The following DLC1 variants were observed in gnomAD, a reference collection of about 807,000 sequenced individuals.
DLC1 encodes DLC1 Rho GTPase activating protein, also known as rho GTPase-activating protein 7.
In DLC1, 54 loss-of-function variants were observed where a neutral mutation model predicts 140.3. The ratio of observed to expected loss-of-function variants is 0.38; its 90% confidence interval spans 0.31 to 0.48. The LOEUF (loss-of-function observed/expected upper bound fraction) is 0.48, where lower values mean the gene tolerates loss of function less well. DLC1 is among the 20% of genes least tolerant of loss of function. The pLI is 0.96. For missense variants in DLC1, 2,536 were observed against 1,907.0 expected (o/e 1.33, Z -6.14); for synonymous variants, 986 against 728.1 (o/e 1.35, Z -5.70).
intron 1 of DLC1, among the ~76,000 whole-genome samples, chr8:13,572,522 C>G (rs1311216982): frequency 1.3e-5 from 2 of 151,954 alleles, no homozygotes; most frequent in South Asian, 2.1e-4. Context: ...CTTTTATTGC[C>G]TATGCTTTTG....
chr8:13,190,973 C>T (rs1028870310), intron 5 of DLC1, among the ~76,000 whole-genome samples: 8 of 151,458 alleles, frequency 5.3e-5, no homozygotes, highest in Non-Finnish European at 8.8e-5. Context: ...TAAGCTTGCT[C>T]CACACTGTAG....
At chr8:13,537,292 G>T (rs930198434) in intron 1 of DLC1, among the ~76,000 whole-genome samples, 1 of 152,112 alleles carries the variant, frequency 6.6e-6, no homozygotes, top group Non-Finnish European at 1.5e-5. Context: ...TGCCATTCAG[G>T]CCCTCCACAA....
At chr8:13,483,218 A>T (rs1009482970) in intron 2 of DLC1, among the ~76,000 whole-genome samples, 2 of 152,120 alleles carry the variant, frequency 1.3e-5, no homozygotes, top group Admixed American at 1.3e-4. Flanking sequence ...GACGCTTGTC[A>T]TTAGATTGAG....
intron 5 of DLC1, among the ~76,000 whole-genome samples, chr8:13,215,900 C>T (rs1828178421): frequency 6.6e-6 from 1 of 152,172 alleles, no homozygotes; most frequent in Non-Finnish European, 1.5e-5. Flanking sequence ...CAACTCGTCT[C>T]CCCAGTGTGC....
chr8:13,401,113 T>A (rs184548118), intron 3 of DLC1, among the ~76,000 whole-genome samples: 1 of 152,154 alleles, frequency 6.6e-6, no homozygotes, highest in Non-Finnish European at 1.5e-5. Flanking sequence ...CAATACAGAT[T>A]TGTGGGCCAG....
intron 1 of DLC1, among the ~76,000 whole-genome samples, chr8:13,552,877 C>T (rs984181313): frequency 2.0e-5 from 3 of 151,602 alleles, no homozygotes; most frequent in Admixed American, 2.0e-4. Context: ...TAAATCTTTT[C>T]TAGAGAGCAT....
At chr8:13,343,789 A>G (rs1367546731) in intron 4 of DLC1, among the ~76,000 whole-genome samples, 1 of 152,146 alleles carries the variant, frequency 6.6e-6, no homozygotes, top group Admixed American at 6.5e-5. Flanking sequence ...CTTTGGTTCA[A>G]TTGATGGAAA....
intron 4 of DLC1, among the ~76,000 whole-genome samples, chr8:13,377,407 C>G (rs2117143683): frequency 6.6e-6 from 1 of 152,282 alleles, no homozygotes; most frequent in Non-Finnish European, 1.5e-5. Flanking sequence ...TTGCCAGCCA[C>G]AAGTGTCTGC....
At chr8:13,578,958 C>A (rs765862675) in intron 1 of DLC1, among the ~76,000 whole-genome samples, 4 of 151,846 alleles carry the variant, frequency 2.6e-5, no homozygotes, top group Non-Finnish European at 4.4e-5. Context: ...GCTGAAAGTT[C>A]CAACGTTTTA....
intron 3 of DLC1, among the ~76,000 whole-genome samples, chr8:13,397,928 C>T (rs772872211): frequency 4.6e-5 from 7 of 152,070 alleles, no homozygotes; most frequent in Non-Finnish European, 7.4e-5. Context: ...GTGAGGAGAT[C>T]GAGACCATCC....
chr8:13,483,686 A>G (rs1432316430), intron 2 of DLC1, among the ~76,000 whole-genome samples: 2 of 152,166 alleles, frequency 1.3e-5, no homozygotes, highest in Admixed American at 6.5e-5. Flanking sequence ...ATGAGATGGC[A>G]TAGGTGAACA....
chr8:13,457,479 C>G (rs1799449015), intron 2 of DLC1, among the ~76,000 whole-genome samples: 1 of 151,810 alleles, frequency 6.6e-6, no homozygotes, highest in Non-Finnish European at 1.5e-5. Context: ...GAAATCAAGA[C>G]CATCCTGGCC....
intron 2 of DLC1, among the ~76,000 whole-genome samples, chr8:13,451,226 A>T: frequency 6.6e-6 from 1 of 151,998 alleles, no homozygotes. Flanking sequence ...AAAATTTTTT[A>T]ACTGTTAATT....
At chr8:13,589,494 T>A (rs1218988434) in intron 1 of DLC1, among the ~76,000 whole-genome samples, 2 of 152,052 alleles carry the variant, frequency 1.3e-5, no homozygotes, top group Non-Finnish European at 2.9e-5. Flanking sequence ...AAAGTTGGCT[T>A]GTGTTGAGTT....
At chr8:13,437,459 A>G (rs553366274) in intron 2 of DLC1, among the ~76,000 whole-genome samples, 3 of 152,340 alleles carry the variant, frequency 2.0e-5, no homozygotes, top group South Asian at 4.1e-4. Flanking sequence ...GTTCGATCGT[A>G]TGCATGATGT....
chr8:13,464,831 C>G (rs1283129026), intron 2 of DLC1, among the ~76,000 whole-genome samples: 1 of 146,450 alleles, frequency 6.8e-6, no homozygotes, highest in Non-Finnish European at 1.5e-5. Context: ...TGTTTTACAG[C>G]TATATAAATG....
At position 13,503,940 on chromosome 8, in the gene DLC1, G is replaced by A. The variant is rs533140794; in HGVS notation, c.-125-3744C>T. The stretch of plus-strand genomic sequence containing the variant: ...ACGTTCAAGTCAAATGGTATTTGAG[G>A]TACAGTTTCCTACTGGATAGAAGAA... On this transcript the variant is annotated intron_variant, in intron 1 of 17. Transcript: ENST00000276297. 7.9e-5 allele frequency among the ~76,000 whole-genome samples: 12 copies of A among 152,162 alleles called. 1 individual carries two copies. Among genetic ancestry groups the A allele is most frequent in the Admixed American group, 7.9e-4 (12 of 15,286 alleles).
At chr8:13,545,273 G>T (rs902496654) in intron 1 of DLC1, among the ~76,000 whole-genome samples, 4 of 151,028 alleles carry the variant, frequency 2.6e-5, no homozygotes, top group Admixed American at 1.3e-4. Context: ...AGGTAATAGG[G>T]AGAGGTCTAT....
At chr8:13,258,331 G>A (rs550864901) in intron 5 of DLC1, among the ~76,000 whole-genome samples, 15 of 152,206 alleles carry the variant, frequency 9.9e-5, no homozygotes, top group Non-Finnish European at 2.2e-4. Flanking sequence ...AGAATACAGA[G>A]AAGTACAGGA....
Sources: gnomAD v4.1 joint callset for allele counts (sites outside exome capture counted in the v4.1 genomes callset) on GRCh38, gnomAD v4.1.1 for gene constraint, MANE v1.5 for transcripts, NCBI Gene and HGNC (gene_info 2026-07-23, HGNC 2026-07-21) for gene names.